The following GAPVD1 variants were observed in gnomAD, a reference collection of about 807,000 sequenced individuals.
GAPVD1 encodes the protein GTPase activating protein and VPS9 domains 1, also known as GTPase-activating protein and VPS9 domain-containing protein 1.
GAPVD1 carries 35 observed loss-of-function variants against 155.5 expected under a neutral mutation model. The ratio of observed to expected loss-of-function variants is 0.23; its 90% confidence interval spans 0.17 to 0.30. The LOEUF (loss-of-function observed/expected upper bound fraction) is 0.30. GAPVD1 is among the 10% of genes least tolerant of loss of function. The probability of loss-of-function intolerance (pLI) is 1.00; values close to 1 mark genes in which losing one functional copy is unlikely to be tolerated. For missense variants in GAPVD1, 1,429 were observed against 1,775.7 expected, an observed-to-expected ratio of 0.80 and a Z score of 3.51; for synonymous variants, 636 against 619.7, an observed-to-expected ratio of 1.03 and a Z score of -0.39.
chr9:125,323,712 G>A, intron 10 of GAPVD1, 86 bp from the exon 11 acceptor site: 3 of 1,261,654 alleles, frequency 2.4e-6, no homozygotes, highest in Non-Finnish European at 3.5e-6. Flanking sequence ...TTAATCAGTT[G>A]TTAGTCTTTT....
intron 11 of GAPVD1, among the ~76,000 whole-genome samples, chr9:125,325,274 G>C (rs188245330): frequency 6.6e-6 from 1 of 150,812 alleles, no homozygotes; most frequent in African/African-American, 2.4e-5. Flanking sequence ...GTAATCCCTA[G>C]CACTTTGGGA....
intron 2 of GAPVD1, among the ~76,000 whole-genome samples, chr9:125,269,632 C>T (rs1834550948): frequency 1.3e-5 from 2 of 148,780 alleles, no homozygotes; most frequent in Non-Finnish European, 3.0e-5. Context: ...ACCATGTTGG[C>T]TAGGCTGGTC....
At chr9:125,335,443 C>T (rs1422134175) in intron 15 of GAPVD1, among the ~76,000 whole-genome samples, 1 of 151,332 alleles carries the variant, frequency 6.6e-6, no homozygotes, top group Non-Finnish European at 1.5e-5. Flanking sequence ...TTTGGGAGGC[C>T]GAGGCAGGCG....
At position 125,307,857 on chromosome 9, in the gene GAPVD1, A is replaced by G. The variant is rs148234684; in HGVS notation, c.1418A>G (p.Asn473Ser). The G allele has an allele frequency of 1.2e-4, 198 of 1,611,112 alleles. 3 individuals carry two copies. The African/African-American group carries it at 2.0e-3, about 17-fold the overall frequency. Residue 473 changes from asparagine to serine, a missense_variant, in exon 8 of 28, where the codon AAT (asparagine) becomes AGT (serine). Physicochemically the swap from Asn to Ser is conservative, Grantham distance 46. This residue lies in a region of GAPVD1 where 628 missense variants were observed against 733.4 expected (regional missense o/e 0.86). Transcript: ENST00000297933. ...CTATCTCCAGCAACCACTCCAGCAA[A>G]TAAAAAGAATCGATTACCTATAGGT... ...PQLSPATTPA[N>S]KKNRLPIATR...
chr9:125,338,904 A>G (rs1366255563), intron 17 of GAPVD1, among the ~76,000 whole-genome samples: 1 of 149,814 alleles, frequency 6.7e-6, no homozygotes, highest in Non-Finnish European at 1.5e-5. Flanking sequence ...CTGTGGTCTC[A>G]TGGTTTTCTG....
intron 19 of GAPVD1, 166 bp from the exon 20 acceptor site, chr9:125,346,653 A>G (rs1249611039): frequency 5.9e-6 from 4 of 675,194 alleles, no homozygotes; most frequent in Non-Finnish European, 1.1e-5. Flanking sequence ...AGACCTAGAA[A>G]TGGGATGAGT....
chr9:125,286,136 A>G (rs987621847), intron 2 of GAPVD1, among the ~76,000 whole-genome samples: 22 of 149,496 alleles, frequency 1.5e-4, no homozygotes, highest in African/African-American at 5.4e-4. Context: ...GTGTTTTGAG[A>G]TGGACCTTGC....
chr9:125,310,045 T>A (rs565100192), intron 8 of GAPVD1: 1 of 372,916 alleles, frequency 2.7e-6, no homozygotes, highest in South Asian at 2.1e-5. Flanking sequence ...TCTTTTATAA[T>A]TTTATTTAAG....
Position 125,310,815 on chromosome 9 carries a change from G to A in GAPVD1, c.1442-1637G>A, listed in dbSNP as rs568667040. ...AGCCTCCCAAAGTGCTGAGATTACA[G>A]GCGTGAGCCACCGCGCCCAGCCTTC... On this transcript the variant is annotated intron_variant, in intron 8 of 27. Coordinates refer to ENST00000297933, the MANE Select transcript of GAPVD1 (RefSeq NM_001282680.3). Among the ~76,000 whole-genome samples the A allele has an allele frequency of 1.7e-4, 25 of 150,866 alleles. No homozygotes were observed. The South Asian group carries it at 5.1e-3, about 30-fold the overall frequency.
At position 125,351,347 on chromosome 9, in the gene GAPVD1, C is replaced by T. The variant is rs534912723; in HGVS notation, c.3569+475C>T. 1.7e-3 allele frequency among the ~76,000 whole-genome samples: 255 copies of T among 152,330 alleles called. 1 individual carries two copies. The highest frequency in any genetic ancestry group is 5.9e-3 in the African/African-American group (246 of 41,556). ...GGGTGGGGACACAGCCAAACCATATCTTTCTGCCCCTTGCTTCTCCCAACT... is the reference window on the plus strand; with the variant it reads ...GGGTGGGGACACAGCCAAACCATATTTTTCTGCCCCTTGCTTCTCCCAACT... On this transcript the variant is annotated intron_variant, in intron 23 of 27. Coordinates refer to ENST00000297933, the MANE Select transcript of GAPVD1 (RefSeq NM_001282680.3).
chr9:125,333,452 A>G (rs906647127), intron 15 of GAPVD1, among the ~76,000 whole-genome samples: 4 of 147,956 alleles, frequency 2.7e-5, no homozygotes, highest in African/African-American at 9.9e-5. Flanking sequence ...GTGGTTTTAT[A>G]TATTGGGTGT....
chr9:125,280,611 T>TGTTGTCCA (rs1363453882), intron 2 of GAPVD1, among the ~76,000 whole-genome samples: 1 of 150,232 alleles, frequency 6.7e-6, no homozygotes, highest in African/African-American at 2.5e-5. Context: ...AGTCTCACTG[T>TGTTGTCCA]GTTGTCCAGA....
At chr9:125,304,721 G>A (rs774082593) in intron 5 of GAPVD1, among the ~76,000 whole-genome samples, 3 of 152,142 alleles carry the variant, frequency 2.0e-5, no homozygotes, top group Non-Finnish European at 2.9e-5. Context: ...TAATGAATGA[G>A]TCAGCTTTTA....
intron 15 of GAPVD1, chr9:125,335,063 A>G (rs1465992468): frequency 3.7e-6 from 2 of 547,108 alleles, no homozygotes; most frequent in African/African-American, 3.9e-5. Context: ...CCTTTAAAAA[A>G]CTATACTTCT....
chr9:125,291,773 A>G (rs1197152210), intron 2 of GAPVD1, among the ~76,000 whole-genome samples: 3 of 152,180 alleles, frequency 2.0e-5, no homozygotes, highest in Non-Finnish European at 4.4e-5. Context: ...AGAGGAAGCC[A>G]TGTTCCCATG....
chr9:125,304,794 C>G (rs528799621), intron 5 of GAPVD1, among the ~76,000 whole-genome samples: 1 of 152,158 alleles, frequency 6.6e-6, no homozygotes, highest in Admixed American at 6.5e-5. Flanking sequence ...ATGTATTGTG[C>G]TTTTTTTCCC....
intron 20 of GAPVD1, among the ~76,000 whole-genome samples, chr9:125,347,454 G>A (rs181658025): frequency 7.9e-5 from 12 of 152,224 alleles, no homozygotes; most frequent in Admixed American, 2.0e-4. Flanking sequence ...GGCTGAGCAC[G>A]GTGGCTCACA....
At chr9:125,269,520 C>T (rs1043884923) in intron 2 of GAPVD1, among the ~76,000 whole-genome samples, 4 of 151,212 alleles carry the variant, frequency 2.6e-5, no homozygotes, top group Non-Finnish European at 5.9e-5. Flanking sequence ...GTTGGAGTCT[C>T]GTTCTGTCGC....
At chr9:125,340,917 A>G (rs1847759386) in intron 17 of GAPVD1, among the ~76,000 whole-genome samples, 1 of 152,196 alleles carries the variant, frequency 6.6e-6, no homozygotes, top group African/African-American at 2.4e-5. Context: ...TGTCCCTACA[A>G]AATAAAAATA....
Sources: allele counts gnomAD v4.1 joint callset (sites outside exome capture counted in the v4.1 genomes callset), GRCh38; gene constraint gnomAD v4.1.1; regional missense constraint gnomAD v4.1.1; transcripts MANE v1.5; gene names NCBI Gene and HGNC (gene_info 2026-07-23, HGNC 2026-07-21).